Variants in SV2C observed in about 807,000 individuals in gnomAD.
SV2C encodes synaptic vesicle glycoprotein 2C, also known as solute carrier family 22 member B3.
Under a neutral mutation model 79.7 loss-of-function variants are expected in SV2C, and 49 were observed. That is an observed-to-expected ratio of 0.61 (90% confidence interval 0.49 to 0.78). The LOEUF is 0.78. Ranked by LOEUF, SV2C falls within the 30% of genes least tolerant of loss-of-function variation. The pLI, the probability that SV2C is intolerant of heterozygous loss-of-function variation, is 0.00. For missense variants in SV2C, 833 were observed against 912.9 expected, an observed-to-expected ratio of 0.91 and a Z score of 1.13; for synonymous variants, 334 against 333.2, an observed-to-expected ratio of 1.00 and a Z score of -0.03.
intron 12 of SV2C, among the ~76,000 whole-genome samples, chr5:76,345,443 G>A (rs1453873235): frequency 6.6e-6 from 1 of 152,148 alleles, no homozygotes; most frequent in East Asian, 1.9e-4. Flanking sequence ...AATAGGCAAG[G>A]ACAATATGAC....
chr5:76,238,545 T>C (rs1352719222), intron 4 of SV2C, among the ~76,000 whole-genome samples: 1 of 152,186 alleles, frequency 6.6e-6, no homozygotes, highest in African/African-American at 2.4e-5. Context: ...AGTTATCTAT[T>C]AATATTTAAG....
the SV2C span, among the ~76,000 whole-genome samples, chr5:76,016,744 T>G: frequency 1.3e-5 from 2 of 152,178 alleles, no homozygotes; most frequent in East Asian, 3.9e-4. Context: ...CAGAGAGTAC[T>G]CAATAAATGG....
chr5:75,892,120 G>A, the SV2C span, among the ~76,000 whole-genome samples: 1 of 152,002 alleles, frequency 6.6e-6, no homozygotes, highest in African/African-American at 2.4e-5. Context: ...TTTTGGCATT[G>A]CACTGAAACT....
intron 3 of SV2C, 49 bp from the exon 4 acceptor site, chr5:76,209,687 A>T (rs13173599): frequency 1.3e-6 from 2 of 1,579,748 alleles, no homozygotes; most frequent in East Asian, 2.3e-5. Flanking sequence ...TGCGTCTCAC[A>T]TGAGCTGTCC....
chr5:75,859,806 C>T, the SV2C span, among the ~76,000 whole-genome samples: 2 of 152,120 alleles, frequency 1.3e-5, no homozygotes, highest in African/African-American at 4.8e-5. Flanking sequence ...AGACACACGC[C>T]GTTGCTCACA....
intron 4 of SV2C, among the ~76,000 whole-genome samples, chr5:76,210,633 G>A (rs1480567952): frequency 6.6e-6 from 1 of 152,152 alleles, no homozygotes; most frequent in Non-Finnish European, 1.5e-5. Flanking sequence ...GGTTTCTATA[G>A]GCATGATTGA....
At chr5:76,058,251 C>T in the SV2C span, among the ~76,000 whole-genome samples, 1 of 152,098 alleles carries the variant, frequency 6.6e-6, no homozygotes, top group East Asian at 1.9e-4. Flanking sequence ...ATGAATAACT[C>T]AGGCAGAGTC....
At chr5:75,886,708 A>G in the SV2C span, among the ~76,000 whole-genome samples, 14 of 152,262 alleles carry the variant, frequency 9.2e-5, no homozygotes, top group Admixed American at 3.9e-4. Context: ...TCAGAGCTCA[A>G]TTAAATCCAC....
chr5:76,309,630 A>C lies in SV2C; in HGVS notation c.2000+8085A>C, dbSNP rs200659064. Among the ~76,000 whole-genome samples the C allele has an allele frequency of 7.1e-3, 940 of 131,774 alleles. 41 individuals are homozygous for C. The highest frequency in any genetic ancestry group is 0.013 in the African/African-American group (466 of 35,210). The allele number at this position is 131,774 out of a possible 152,430, so 86.4% of individuals were successfully genotyped here. On this transcript the variant is annotated intron_variant, in intron 12 of 12. Coordinates refer to ENST00000502798, the MANE Select transcript of SV2C (RefSeq NM_014979.4). The stretch of plus-strand genomic sequence containing the variant: ...AAAAAAAAAAAAAAAAAAAAACAGA[A>C]AGAAAGAAAGAAAAATGTAGGTTGG...
intron 2 of SV2C, among the ~76,000 whole-genome samples, chr5:76,174,479 G>A (rs1237857023): frequency 2.0e-5 from 3 of 152,212 alleles, no homozygotes; most frequent in African/African-American, 7.2e-5. Flanking sequence ...GTGTGTCTCT[G>A]ATGGAACAAG....
intron 4 of SV2C, among the ~76,000 whole-genome samples, chr5:76,238,198 C>T (rs1185060582): frequency 6.6e-6 from 1 of 152,044 alleles, no homozygotes; most frequent in African/African-American, 2.4e-5. Context: ...ATCCCTTTGT[C>T]TTTTTATTCT....
At chr5:76,109,332 C>G (rs902699011) in intron 1 of SV2C, among the ~76,000 whole-genome samples, 5 of 152,140 alleles carry the variant, frequency 3.3e-5, no homozygotes, top group Admixed American at 6.5e-5. Flanking sequence ...TGAACAGTAT[C>G]TAGCTGAGAT....
intron 4 of SV2C, among the ~76,000 whole-genome samples, chr5:76,272,614 T>TTTTG (rs1746906035): frequency 6.6e-6 from 1 of 152,094 alleles, no homozygotes; most frequent in African/African-American, 2.4e-5. Context: ...TTTTGTTTTG[T>TTTTG]TTTGTTTTTT....
intron 2 of SV2C, among the ~76,000 whole-genome samples, chr5:76,147,904 A>G (rs2112222987): frequency 6.6e-6 from 1 of 152,216 alleles, no homozygotes; most frequent in East Asian, 1.9e-4. Flanking sequence ...CTGATGATTC[A>G]CGGTATCTAT....
the SV2C span, among the ~76,000 whole-genome samples, chr5:75,916,447 C>CTCCTCCTCCTTCTCTTCT: frequency 6.7e-6 from 1 of 150,126 alleles, no homozygotes; most frequent in African/African-American, 2.5e-5. Context: ...TTCTCCTCTC[C>CTCCTCCTCCTTCTCTTCT]TCCTCCTCCT....
chr5:76,065,885 T>G, the SV2C span, among the ~76,000 whole-genome samples: 1 of 152,222 alleles, frequency 6.6e-6, no homozygotes, highest in Non-Finnish European at 1.5e-5. Flanking sequence ...TTTAGGGTTC[T>G]ACTTTAGGAT....
intron 2 of SV2C, among the ~76,000 whole-genome samples, chr5:76,151,405 G>A (rs1044033587): frequency 5.9e-5 from 9 of 152,186 alleles, no homozygotes; most frequent in African/African-American, 2.2e-4. Context: ...CGTGTGAGCA[G>A]CAGAAGAGTG....
At chr5:75,862,212 A>G in the SV2C span, among the ~76,000 whole-genome samples, 3 of 152,200 alleles carry the variant, frequency 2.0e-5, no homozygotes, top group South Asian at 2.1e-4. Context: ...TGCACTTTAT[A>G]TAATTCTGCT....
chr5:76,231,297 T>A (rs951202397), intron 4 of SV2C, among the ~76,000 whole-genome samples: 8 of 152,234 alleles, frequency 5.3e-5, no homozygotes, highest in Non-Finnish European at 1.2e-4. Flanking sequence ...TTTAATCATT[T>A]CACAATGTAA....
Sources: gnomAD v4.1 joint callset for allele counts (sites outside exome capture counted in the v4.1 genomes callset) on GRCh38, gnomAD v4.1.1 for gene constraint, MANE v1.5 for transcripts, NCBI Gene and HGNC (gene_info 2026-07-23, HGNC 2026-07-21) for gene names.